The following CFAP92 variants were observed in gnomAD, a reference collection of about 807,000 sequenced individuals.
CFAP92 encodes the protein uncharacterized protein CFAP92.
In CFAP92, 86 loss-of-function variants were observed where a neutral mutation model predicts 106.3. That is an observed-to-expected ratio of 0.81 (90% CI 0.68 to 0.97). The LOEUF is 0.97. Ranked by LOEUF, CFAP92 falls within the 50% of genes least tolerant of loss-of-function variation. The pLI is 0.00. For synonymous variants in CFAP92, 477 were observed against 506.4 expected (o/e 0.94, Z 0.78); for missense variants, 1,204 against 1,283.8 (o/e 0.94, Z 0.95).
intron 9 of CFAP92, 85 bp from the exon 10 acceptor site, chr3:128,946,060 C>T: frequency 1.0e-6 from 1 of 996,824 alleles, no homozygotes; most frequent in South Asian, 2.3e-5. Flanking sequence ...ATCCCAGTGC[C>T]AGGCTCATTG....
At chr3:129,013,148 C>T in the CFAP92 span, among the ~76,000 whole-genome samples, 5 of 151,888 alleles carry the variant, frequency 3.3e-5, no homozygotes, top group Admixed American at 1.3e-4. Context: ...AGACCCAAGC[C>T]GGGTGAGCTC....
chr3:128,973,383 C>G (rs1942940450), intron 7 of CFAP92, among the ~76,000 whole-genome samples: 1 of 151,878 alleles, frequency 6.6e-6, no homozygotes. Flanking sequence ...GAGGCCGGGC[C>G]CGGTGGCTCA....
rs1447707513 is a variant in CFAP92 at position 128,993,333 on chromosome 3, G to A, written c.-29C>T. ...GCAGAGCGCACTGCTGGCCGCCGGC[G>A]CTCCTGGCAGGGAGAAAGTGAAGGC... On this transcript the variant is annotated 5_prime_UTR_variant, in exon 2 of 16. Coordinates refer to ENST00000645291, the MANE Select transcript of CFAP92 (RefSeq NM_001394090.1). 1 of 1,590,986 alleles carries A rather than the reference G, an allele frequency of 6.3e-7. No homozygotes were observed. The highest frequency in any genetic ancestry group is 8.6e-7 in the Non-Finnish European group (1 of 1,168,400).
At chr3:128,973,131 A>T (rs1942921531) in intron 7 of CFAP92, among the ~76,000 whole-genome samples, 1 of 152,272 alleles carries the variant, frequency 6.6e-6, no homozygotes, top group Admixed American at 6.5e-5. Flanking sequence ...CCATGCATAT[A>T]ACTGGCAATG....
chr3:128,945,659 T>C lies in CFAP92; in HGVS notation c.1670A>G (p.Asn557Ser). The C allele has an allele frequency of 1.3e-6, 2 of 1,536,116 alleles. No individual in the cohort carries two copies. Among genetic ancestry groups the C allele is most frequent in the Non-Finnish European group, 1.7e-6 (2 of 1,146,916 alleles). ...ETENNPFESQ[N>S]KMWYPYGIAQ... ...GATGCCATAAGGGTACCACATCTTG[T>C]TCTGGGACTCAAAGGGGTTGTTCTC... is the stretch of plus-strand genomic sequence containing the variant. Residue 557 changes from asparagine to serine, a missense_variant, in exon 10 of 16, where the codon AAC (asparagine) becomes AGC (serine). Physicochemically the swap from Asn to Ser is conservative, Grantham distance 46 (BLOSUM62 1). Transcript: ENST00000645291.
At chr3:128,912,745 C>T (rs569083414) in intron 15 of CFAP92, 21 of 855,404 alleles carry the variant, frequency 2.5e-5, no homozygotes, top group East Asian at 9.8e-5. Context: ...GAAGGGTTGT[C>T]GCCTGGCCTG....
intron 12 of CFAP92, among the ~76,000 whole-genome samples, chr3:128,927,874 TAAC>T (rs898723804): frequency 6.6e-6 from 1 of 152,136 alleles, no homozygotes; most frequent in African/African-American, 2.4e-5. Flanking sequence ...AAGACCTAAA[TAAC>T]AGCAGAGACA....
At chr3:128,910,750 G>A (rs1384711854) in intron 15 of CFAP92, 6 of 1,614,068 alleles carry the variant, frequency 3.7e-6, no homozygotes, top group Non-Finnish European at 8.5e-7. Context: ...GGTTCTCTTG[G>A]CCAACACCTT....
Position 128,932,903 on chromosome 3 carries a change from C to T in CFAP92, c.2548G>A (p.Glu850Lys). The change falls in exon 12 of 16, where the codon GAG becomes AAG. Residue 850 changes from glutamate to lysine, a missense_variant. By Grantham distance (56) the Glu-to-Lys change is moderately conservative (BLOSUM62 1). Transcript: ENST00000645291. ...SSAMIKDLSQ[E>K]FGMPLSQEEL... ...TCTTGCGAAAGGGGCATCCCAAACT[C>T]TTGGCTCAAGTCTTTTATCATAGCA... is the stretch of plus-strand genomic sequence containing the variant. 4.6e-6 allele frequency: 7 copies of T among 1,536,146 alleles called. No individual in the cohort carries two copies. The highest frequency in any genetic ancestry group is 6.1e-6 in the Non-Finnish European group (7 of 1,146,920).
chr3:128,953,099 G>GA (rs879280080), intron 9 of CFAP92, among the ~76,000 whole-genome samples: 3 of 151,932 alleles, frequency 2.0e-5, no homozygotes, highest in Admixed American at 2.0e-4. Flanking sequence ...AACAAAAATG[G>GA]AAATCTTAGA....
chr3:129,004,803 G>A (rs998021179), upstream of CFAP92, among the ~76,000 whole-genome samples: 1 of 152,264 alleles, frequency 6.6e-6, no homozygotes, highest in South Asian at 2.1e-4. Context: ...AAACAGGTGT[G>A]TAATGACTGC....
rs77940605 is a variant in CFAP92 at position 128,912,448 on chromosome 3, C to T, written c.3281-2115G>A. On this transcript the variant is annotated intron_variant, in intron 15 of 15. Transcript: ENST00000645291. The stretch of plus-strand genomic sequence containing the variant: ...TGTGGAAAAATGCCCCCACTTCAGC[C>T]ATGTTTGTCTTATCACGGTGCAGAA... The T allele has an allele frequency of 5.0e-4, 751 of 1,507,432 alleles. 9 individuals are homozygous for T. The East Asian group carries it at 0.015, about 31-fold the overall frequency. 93.4% of individuals were successfully genotyped at this position (1,507,432 alleles called of 1,614,324 possible).
intron 4 of CFAP92, among the ~76,000 whole-genome samples, chr3:128,985,464 A>C (rs896162386): frequency 1.3e-5 from 2 of 152,192 alleles, no homozygotes; most frequent in Non-Finnish European, 2.9e-5. Context: ...GACTGTCTCA[A>C]TCAATCAATA....
intron 10 of CFAP92, among the ~76,000 whole-genome samples, chr3:128,943,045 G>C (rs1939818057): frequency 1.4e-5 from 2 of 148,052 alleles, no homozygotes; most frequent in African/African-American, 5.0e-5. Context: ...TCAGCCTCCT[G>C]AGTAGCTGGG....
upstream of CFAP92, among the ~76,000 whole-genome samples, chr3:128,994,738 C>G (rs1275815901): frequency 1.3e-5 from 2 of 152,194 alleles, no homozygotes; most frequent in East Asian, 3.9e-4. Flanking sequence ...ACCACCCAAG[C>G]TGAGAGCCCT....
chr3:129,023,580 C>T, the CFAP92 span, among the ~76,000 whole-genome samples: 1 of 152,196 alleles, frequency 6.6e-6, no homozygotes, highest in Non-Finnish European at 1.5e-5. Flanking sequence ...GATCCACCCG[C>T]CTCGGCCTCC....
intron 12 of CFAP92, among the ~76,000 whole-genome samples, chr3:128,929,259 G>A (rs141099745): frequency 2.0e-4 from 30 of 152,232 alleles, no homozygotes; most frequent in African/African-American, 5.8e-4. Flanking sequence ...TCAAAAGGAC[G>A]GATAAGTGTT....
chr3:128,961,534 C>T (rs1374919530), intron 9 of CFAP92, among the ~76,000 whole-genome samples: 1 of 152,144 alleles, frequency 6.6e-6, no homozygotes, highest in Non-Finnish European at 1.5e-5. Flanking sequence ...CCCACCTGCC[C>T]AGCAATTTAC....
upstream of CFAP92, chr3:129,003,437 G>A: frequency 6.6e-6 from 2 of 301,340 alleles, no homozygotes; most frequent in Non-Finnish European, 9.8e-6. Context: ...AGGAGATGAG[G>A]AACCGCCACC....
Sources: gnomAD v4.1 joint callset for allele counts (sites outside exome capture counted in the v4.1 genomes callset) on GRCh38, gnomAD v4.1.1 for gene constraint, MANE v1.5 for transcripts, NCBI Gene and HGNC (gene_info 2026-07-23, HGNC 2026-07-21) for gene names.